The following TSC1 variants were observed in gnomAD, a reference collection of about 807,000 sequenced individuals.
TSC1 encodes the protein hamartin.
TSC1 carries 20 observed loss-of-function variants against 124.3 expected under a neutral mutation model. That is an observed-to-expected ratio of 0.16 (90% CI 0.11 to 0.23). The LOEUF is 0.23. Ranked by LOEUF, TSC1 falls within the 10% of genes least tolerant of loss-of-function variation. TSC1 has a pLI of 1.00. For missense variants in TSC1, 1,124 were observed against 1,448.5 expected (o/e 0.78, Z 3.64); for synonymous variants, 493 against 539.1 (o/e 0.91, Z 1.19).
In TSC1 at chr9:132,893,329, A is replaced by G. The variant is rs1844865390; in HGVS notation, c.*2906T>C. On this transcript the variant is annotated 3_prime_UTR_variant, in exon 23 of 23. Coordinates refer to ENST00000298552, the MANE Select transcript of TSC1 (RefSeq NM_000368.5). ...TCTAAGAAATGACCTTGACCTTCCT[A>G]CCTTTGGGTTTGTTTTTTTTCTATT... 4.3e-6 allele frequency: 1 copy of G among 232,608 alleles called. No individual in the cohort carries two copies. Among genetic ancestry groups the G allele is most frequent in the Non-Finnish European group, 8.5e-6 (1 of 117,928 alleles). The allele number at this position is 232,608 out of a possible 1,614,324, so 14.4% of individuals were successfully genotyped here. A position where few individuals can be genotyped will look rare whatever the true frequency, so the allele number is the denominator to read the frequency against.
intron 4 of TSC1, 33 bp from the exon 5 acceptor site, chr9:132,925,772 C>A: frequency 6.2e-7 from 1 of 1,613,726 alleles, no homozygotes. Context: ...GCAGTCCTCA[C>A]ATGAATGTAT....
intron 2 of TSC1, among the ~76,000 whole-genome samples, chr9:132,929,187 T>G (rs535034057): frequency 1.8e-4 from 27 of 152,326 alleles, no homozygotes; most frequent in Admixed American, 1.6e-3. Flanking sequence ...GAAAGAAACC[T>G]TAAAAACTGA....
Position 132,901,606 on chromosome 9 carries a change from T to C in TSC1, c.2485A>G (p.Ser829Gly). 2 of 1,614,140 alleles carry C rather than the reference T, an allele frequency of 1.2e-6. No individual in the cohort carries two copies. The highest frequency in any genetic ancestry group is 8.5e-7 in the Non-Finnish European group (1 of 1,180,032). Reference protein sequence around the residue: ...NKVCHTELLLSQVSQKLSNSE... With the variant: ...NKVCHTELLLGQVSQKLSNSE... ...CTTCTTACCTTTTGGGAAACCTGAC[T>C]GAGCAGCAGCTCAGTGTGACACACC... is the stretch of plus-strand genomic sequence containing the variant. The change falls in exon 19 of 23, where the codon AGT (serine) becomes GGT (glycine). Residue 829 changes from serine (S) to glycine (G), a missense_variant. Coordinates refer to ENST00000298552, the MANE Select transcript of TSC1 (RefSeq NM_000368.5).
At position 132,892,925 on chromosome 9, in the gene TSC1, CTA is replaced by C. The variant is rs2131541072; in HGVS notation, c.*3308_*3309del. On this transcript the variant is annotated 3_prime_UTR_variant, in exon 23 of 23. Coordinates refer to ENST00000298552, the MANE Select transcript of TSC1 (RefSeq NM_000368.5). Reference sequence around the variant, plus strand: ...TCTTTCCCAACAAATATACCAGAAACTATGTGTGCTGTTGCAAATGGGGACGG... The same window carrying C: ...TCTTTCCCAACAAATATACCAGAAACTGTGTGCTGTTGCAAATGGGGACGG... 1 of 233,158 alleles carries C rather than the reference CTA, an allele frequency of 4.3e-6. No homozygotes were observed. Among genetic ancestry groups the C allele is most frequent in the East Asian group, 6.0e-5 (1 of 16,608 alleles). 14.4% of individuals were successfully genotyped at this position (233,158 alleles called of 1,614,324 possible). A position where few individuals can be genotyped will look rare whatever the true frequency, so the allele number is the denominator to read the frequency against.
chr9:132,897,130 A>G, intron 22 of TSC1, 54 bp downstream of exon 22: 1 of 1,612,060 alleles, frequency 6.2e-7, no homozygotes, highest in Non-Finnish European at 8.5e-7. Flanking sequence ...CACAGTCCTT[A>G]TGCTGGAATT....
rs987389022 is a variant in TSC1, at chr9:132,893,574, C to G, written c.*2661G>C. ...CTTTTTAAAGGAATTCCATGCTGCA[C>G]AGCAGCAGACTTCGGGCTCCTCGGG... On this transcript the variant is annotated 3_prime_UTR_variant, in exon 23 of 23. Coordinates refer to ENST00000298552, the MANE Select transcript of TSC1 (RefSeq NM_000368.5). 1 of 233,156 alleles carries G rather than the reference C, an allele frequency of 4.3e-6. No homozygotes were observed. The highest frequency in any genetic ancestry group is 2.2e-5 in the African/African-American group (1 of 45,368). 14.4% of individuals were successfully genotyped at this position (233,156 alleles called of 1,614,324 possible). A position where few individuals can be genotyped will look rare whatever the true frequency, so the allele number is the denominator to read the frequency against.
rs917975507 is a variant in TSC1 at position 132,902,024 on chromosome 9, G to A, written c.2392-325C>T. 14 of 311,072 alleles carry A rather than the reference G, an allele frequency of 4.5e-5. No individual in the cohort carries two copies. Among genetic ancestry groups the A allele is most frequent in the Middle Eastern group, 9.8e-4 (1 of 1,022 alleles). 19.3% of individuals were successfully genotyped at this position (311,072 alleles called of 1,614,324 possible). ...CGAGGGAGACGCAGCGCCATCTGTT[G>A]GACACTCTGTGAATTACTAACTGGC... On this transcript the variant is annotated intron_variant, in intron 18 of 22. Coordinates refer to ENST00000298552, the MANE Select transcript of TSC1 (RefSeq NM_000368.5). The surrounding 1 kb of genome is among the most constrained non-coding windows in gnomAD (Gnocchi z 5.2).
At position 132,901,598 on chromosome 9, in the gene TSC1, A is replaced by G. The variant is rs2131703010; in HGVS notation, c.2493T>C (p.Val831=). 6.2e-7 allele frequency: 1 copy of G among 1,613,950 alleles called. No individual in the cohort carries two copies. The highest frequency in any genetic ancestry group is 8.5e-7 in the Non-Finnish European group (1 of 1,179,980). Residue 831 remains valine, a synonymous_variant, in exon 19 of 23, where the codon GTT becomes GTC. Coordinates refer to ENST00000298552, the MANE Select transcript of TSC1 (RefSeq NM_000368.5). ...VCHTELLLSQ[V]SQKLSNSESV... ...CCTCATTTCTTCTTACCTTTTGGGAAACCTGACTGAGCAGCAGCTCAGTGT... is the reference window on the plus strand; with the variant it reads ...CCTCATTTCTTCTTACCTTTTGGGAGACCTGACTGAGCAGCAGCTCAGTGT...
chr9:132,913,413 G>A (rs571681929), intron 8 of TSC1, among the ~76,000 whole-genome samples: 6 of 152,086 alleles, frequency 3.9e-5, no homozygotes, highest in African/African-American at 9.7e-5. Flanking sequence ...TGCAACTATC[G>A]ATCTGCTAAA....
Position 132,921,225 on chromosome 9 carries a change from G to C in TSC1, c.737+138C>G, listed in dbSNP as rs1564497115. ...TTTTAAACTCACACAAATTTTAGCT[G>C]TATGAGTGCTTCCAAGTGGACTGAT... is the stretch of plus-strand genomic sequence containing the variant. On this transcript the variant is annotated intron_variant, in intron 8 of 22. Transcript: ENST00000298552. This position sits in a 1 kb window ranked among gnomAD's most constrained non-coding sequence, Gnocchi z 4.3. 3.4e-6 allele frequency: 3 copies of C among 873,166 alleles called. No homozygotes were observed. Among genetic ancestry groups the C allele is most frequent in the Non-Finnish European group, 5.6e-6 (3 of 536,410 alleles). 54.1% of individuals were successfully genotyped at this position (873,166 alleles called of 1,614,324 possible).
At position 132,906,780 on chromosome 9, in the gene TSC1, T is replaced by TA. The variant is rs1064796237; in HGVS notation, c.1388dup (p.Leu463PhefsTer3). ...TATCTTCTTCAGAGGCCAGATCACC[T>TA]AAAAACCCTGGAAGATCACTTAGAG... On this transcript the variant is annotated frameshift_variant, in exon 14 of 23. Coordinates refer to ENST00000298552, the MANE Select transcript of TSC1 (RefSeq NM_000368.5). LOFTEE classifies it high-confidence loss of function. The surrounding 1 kb of genome is among the most constrained non-coding windows in gnomAD (Gnocchi z 4.1). 1 of 1,614,136 alleles carries TA rather than the reference T, an allele frequency of 6.2e-7. No homozygotes were observed. The highest frequency in any genetic ancestry group is 8.5e-7 in the Non-Finnish European group (1 of 1,180,040).
At chr9:132,898,405 CA>C (rs1845198847) in intron 20 of TSC1, among the ~76,000 whole-genome samples, 1 of 152,168 alleles carries the variant, frequency 6.6e-6, no homozygotes. Context: ...ATACAAAACA[CA>C]AAACTTGCCA....
intron 6 of TSC1, among the ~76,000 whole-genome samples, chr9:132,922,359 C>T (rs961422052): frequency 3.3e-5 from 5 of 152,042 alleles, no homozygotes; most frequent in South Asian, 4.1e-4. Context: ...GAATTCAGTA[C>T]GAGCTTCTTG....
chr9:132,942,474 ACT>A (rs1847792769), intron 1 of TSC1: 1 of 152,208 alleles, frequency 6.6e-6, no homozygotes, highest in Admixed American at 6.5e-5. Context: ...CCCTAGTAAG[ACT>A]GTTAAGTTTC....
At chr9:132,944,257 C>T (rs1411222799) in intron 1 of TSC1, among the ~76,000 whole-genome samples, 1 of 152,124 alleles carries the variant, frequency 6.6e-6, no homozygotes. Context: ...GCCCGAGGGA[C>T]CGAGGCCCAG....
rs772652234 is a variant in TSC1 at position 132,902,679 on chromosome 9, T to G, written c.2317A>C (p.Thr773Pro). The G allele has an allele frequency of 6.2e-7, 1 of 1,614,206 alleles. No homozygotes were observed. The change falls in exon 18 of 23, where the codon ACC (threonine) becomes CCC (proline). Residue 773 changes from threonine (T) to proline (P), a missense_variant. Physicochemically the swap from Thr to Pro is conservative, Grantham distance 38. Transcript: ENST00000298552. This position sits in a 1 kb window ranked among gnomAD's most constrained non-coding sequence, Gnocchi z 5.2. ...TGTCTGATCTGGCTGTGGAGCTTGG[T>G]TACCATAGTGTCACGCTGCTCCTGG... ...QLQEQRDTMV[T>P]KLHSQIRQLQ...
At chr9:132,934,757 CAT>C (rs1449603545) in intron 2 of TSC1, among the ~76,000 whole-genome samples, 2 of 152,356 alleles carry the variant, frequency 1.3e-5, no homozygotes, top group South Asian at 2.1e-4. Flanking sequence ...GGAAAATTGA[CAT>C]GTTTGAACCC....
chr9:132,901,741 C>T (rs768630097), intron 18 of TSC1, 42 bp from the exon 19 acceptor site: 1 of 1,589,608 alleles, frequency 6.3e-7, no homozygotes, highest in Admixed American at 1.7e-5. Context: ...GGAACACCAA[C>T]AGGCCAGATC....
rs531497648 is a variant in TSC1, at chr9:132,934,947, G to A, written c.-81+86C>T. On this transcript the variant is annotated intron_variant, in intron 2 of 22. Transcript: ENST00000298552. ...CAGTTCCTGGCAAGTAGCTAAAACTGTAAATGTTAAATCCCTGAATGCACG... is the reference window on the plus strand; with the variant it reads ...CAGTTCCTGGCAAGTAGCTAAAACTATAAATGTTAAATCCCTGAATGCACG... The A allele has an allele frequency of 3.0e-4, 121 of 398,508 alleles. 1 individual carries two copies. In the East Asian group the frequency reaches 4.3e-3, roughly 14 times the overall value. 24.7% of individuals were successfully genotyped at this position (398,508 alleles called of 1,614,324 possible).
Sources: allele counts gnomAD v4.1 joint callset (sites outside exome capture counted in the v4.1 genomes callset), GRCh38; gene constraint gnomAD v4.1.1; non-coding constraint Gnocchi (gnomAD v3.1); transcripts MANE v1.5; gene names NCBI Gene and HGNC (gene_info 2026-07-23, HGNC 2026-07-21).